MCUR1: variants seen among roughly 807,000 people sequenced by gnomAD.
MCUR1 encodes the protein mitochondrial calcium uniporter regulator 1.
In MCUR1, 37 loss-of-function variants were observed where a neutral mutation model predicts 42.0. The ratio of observed to expected loss-of-function variants is 0.88; its 90% confidence interval spans 0.68 to 1.16. The LOEUF (loss-of-function observed/expected upper bound fraction) is 1.16, where lower values mean the gene tolerates loss of function less well. Ranked by LOEUF, MCUR1 falls within the 50% of genes most tolerant of loss-of-function variation. MCUR1 has a pLI of 0.00. For missense variants in MCUR1, 469 were observed against 468.4 expected, an observed-to-expected ratio of 1.00 and a Z score of -0.01; for synonymous variants, 229 against 196.2, an observed-to-expected ratio of 1.17 and a Z score of -1.40.
At position 13,802,476 on chromosome 6, in the gene MCUR1, G is replaced by A. The variant is rs577306993; in HGVS notation, c.536-130C>T. 39 of 641,168 alleles carry A rather than the reference G, an allele frequency of 6.1e-5. No individual in the cohort carries two copies. In the East Asian group the frequency reaches 1.1e-3, roughly 18 times the overall value. 39.7% of individuals were successfully genotyped at this position (641,168 alleles called of 1,614,324 possible). ...ACAGTGTGGTAGGAGGCAGGGAGGAGGGTACAGCCACAAACTATGACGTGC... is the reference window on the plus strand; with the variant it reads ...ACAGTGTGGTAGGAGGCAGGGAGGAAGGTACAGCCACAAACTATGACGTGC... On this transcript the variant is annotated intron_variant, in intron 2 of 8. Coordinates refer to ENST00000379170, the MANE Select transcript of MCUR1 (RefSeq NM_001031713.4).
intron 6 of MCUR1, among the ~76,000 whole-genome samples, chr6:13,797,057 T>C (rs1490705231): frequency 6.6e-6 from 1 of 152,216 alleles, no homozygotes; most frequent in Admixed American, 6.5e-5. Flanking sequence ...ACAGCCTTAA[T>C]AATTATTTTG....
At chr6:13,798,768 C>A in intron 6 of MCUR1, 65 bp downstream of exon 6, 2 of 1,277,728 alleles carry the variant, frequency 1.6e-6, no homozygotes, top group South Asian at 1.3e-5. Flanking sequence ...TAAACTTAGG[C>A]TTAACCAAGC....
intron 7 of MCUR1, among the ~76,000 whole-genome samples, chr6:13,793,646 A>G (rs1338292196): frequency 1.3e-5 from 2 of 152,232 alleles, no homozygotes; most frequent in Admixed American, 1.3e-4. Context: ...TTGCAAAATA[A>G]AGAGTTCTGT....
chr6:13,794,683 A>G (rs1584983221), intron 6 of MCUR1, among the ~76,000 whole-genome samples: 2 of 145,752 alleles, frequency 1.4e-5, no homozygotes. Flanking sequence ...ATGGAGTCTC[A>G]CTCTATTCCC....
intron 2 of MCUR1, among the ~76,000 whole-genome samples, chr6:13,805,555 G>C (rs1760096657): frequency 1.3e-5 from 2 of 152,212 alleles, no homozygotes; most frequent in South Asian, 4.1e-4. Context: ...AGCTTCCTAA[G>C]CTAGGCAACT....
chr6:13,806,803 A>G (rs930482459), intron 2 of MCUR1, 122 bp downstream of exon 2: 6 of 1,178,858 alleles, frequency 5.1e-6, no homozygotes, highest in Admixed American at 2.5e-5. Context: ...TAAATTAATT[A>G]ATTAAACACA....
Position 13,791,908 on chromosome 6 carries a change from G to A in MCUR1, c.994C>T (p.His332Tyr). Residue 332 changes from histidine to tyrosine, a missense_variant, in exon 8 of 9, where the codon CAC (histidine) becomes TAC (tyrosine). Transcript: ENST00000379170. ...VAGLKTMLES[H>Y]KLDNIKYLAG... The stretch of plus-strand genomic sequence containing the variant: ...AAATATTTAATATTATCAAGCTTGT[G>A]TGACTCAAGCATGGTTTTGAGGCCA... 3 of 1,613,724 alleles carry A rather than the reference G, an allele frequency of 1.9e-6. No homozygotes were observed. The South Asian group carries it at 3.3e-5, about 18-fold the overall frequency.
At chr6:13,803,262 T>C (rs1015704174) in intron 2 of MCUR1, among the ~76,000 whole-genome samples, 1 of 152,348 alleles carries the variant, frequency 6.6e-6, no homozygotes, top group East Asian at 1.9e-4. Flanking sequence ...AGTTTCTCCG[T>C]GTTGGTCAGG....
At chr6:13,806,484 C>T (rs1351805904) in intron 2 of MCUR1, among the ~76,000 whole-genome samples, 1 of 152,192 alleles carries the variant, frequency 6.6e-6, no homozygotes, top group Non-Finnish European at 1.5e-5. Context: ...GGTGATGTTA[C>T]AGAAATACAC....
At chr6:13,801,504 G>A (rs1759988926) in intron 3 of MCUR1, 115 bp from the exon 4 acceptor site, 5 of 660,742 alleles carry the variant, frequency 7.6e-6, no homozygotes, top group Non-Finnish European at 1.3e-5. Flanking sequence ...CACAAAAAGA[G>A]GTTCAGTAGG....
intron 2 of MCUR1, among the ~76,000 whole-genome samples, chr6:13,803,374 G>T (rs188828707): frequency 1.3e-5 from 2 of 152,140 alleles, no homozygotes; most frequent in Non-Finnish European, 2.9e-5. Flanking sequence ...ACTTGGTATT[G>T]TTTTTAAAAA....
chr6:13,809,621 A>G (rs1760187520), intron 1 of MCUR1, among the ~76,000 whole-genome samples: 1 of 150,996 alleles, frequency 6.6e-6, no homozygotes, highest in South Asian at 2.1e-4. Flanking sequence ...GGGTCAGGTG[A>G]ACTAGTTCAT....
intron 2 of MCUR1, 147 bp downstream of exon 2, chr6:13,806,778 G>C: frequency 9.8e-7 from 1 of 1,018,998 alleles, no homozygotes; most frequent in Non-Finnish European, 1.4e-6. Flanking sequence ...GACAGAGCCA[G>C]AGCCTGTCTC....
Position 13,792,056 on chromosome 6 carries a change from A to G in MCUR1, c.910-64T>C, listed in dbSNP as rs544340635. 57 of 1,244,336 alleles carry G rather than the reference A, an allele frequency of 4.6e-5. 1 individual carries two copies. The South Asian group carries it at 6.6e-4, about 14-fold the overall frequency. 77.1% of individuals were successfully genotyped at this position (1,244,336 alleles called of 1,614,324 possible). A position where few individuals can be genotyped will look rare whatever the true frequency, so the allele number is the denominator to read the frequency against. On this transcript the variant is annotated intron_variant, in intron 7 of 8. Coordinates refer to ENST00000379170, the MANE Select transcript of MCUR1 (RefSeq NM_001031713.4). ...ACGTCCCCTCTGCTCACCATCCTAT[A>G]GCTCCTTCCCAACGGGGTGCAGTCA...
intron 5 of MCUR1, among the ~76,000 whole-genome samples, chr6:13,799,376 G>A (rs940830625): frequency 6.6e-6 from 1 of 152,146 alleles, no homozygotes. Context: ...GTAGAGATGG[G>A]GTTTCACCAT....
Position 13,790,608 on chromosome 6 carries a change from C to T in MCUR1, c.*201G>A, listed in dbSNP as rs953930089. The T allele has an allele frequency of 2.0e-5, 7 of 347,390 alleles. No individual in the cohort carries two copies. The highest frequency in any genetic ancestry group is 2.8e-5 in the South Asian group (1 of 36,146). The allele number at this position is 347,390 out of a possible 1,614,324, so 21.5% of individuals were successfully genotyped here. ...CTGGGACTACAGGCGCCCGCCACCA[C>T]GCCCGCCTAATGTTTTAATTTTTTA... On this transcript the variant is annotated 3_prime_UTR_variant, in exon 9 of 9. Transcript: ENST00000379170.
At chr6:13,809,872 C>G (rs1448602401) in intron 1 of MCUR1, among the ~76,000 whole-genome samples, 1 of 150,116 alleles carries the variant, frequency 6.7e-6, no homozygotes, top group Non-Finnish European at 1.5e-5. Flanking sequence ...CCACTGCACT[C>G]CAGCCTGGGT....
intron 6 of MCUR1, among the ~76,000 whole-genome samples, chr6:13,797,535 C>T (rs937801505): frequency 1.3e-5 from 2 of 151,528 alleles, no homozygotes; most frequent in African/African-American, 2.4e-5. Flanking sequence ...GGTGAAACCC[C>T]GTCTCTACTA....
At chr6:13,811,302 C>T (rs1454432181) in intron 1 of MCUR1, among the ~76,000 whole-genome samples, 1 of 152,070 alleles carries the variant, frequency 6.6e-6, no homozygotes, top group African/African-American at 2.4e-5. Context: ...TTATCTTTAG[C>T]ATCTGGCAAG....
Sources: allele counts gnomAD v4.1 joint callset (sites outside exome capture counted in the v4.1 genomes callset), GRCh38; gene constraint gnomAD v4.1.1; transcripts MANE v1.5; gene names NCBI Gene and HGNC (gene_info 2026-07-23, HGNC 2026-07-21).